SRGAP3: variants seen among roughly 807,000 people sequenced by gnomAD.
SRGAP3 encodes SLIT-ROBO Rho GTPase activating protein 3.
A neutral mutation model predicts 121.1 loss-of-function variants in SRGAP3; 39 were observed. The observed-to-expected ratio is 0.32, with a 90% CI of 0.25 to 0.42. The LOEUF (loss-of-function observed/expected upper bound fraction) is 0.42. Among genes scored for constraint, SRGAP3 ranks in the 10% least tolerant of loss-of-function variants. SRGAP3 has a pLI of 1.00. For synonymous variants in SRGAP3, 601 were observed against 570.0 expected (o/e 1.05, Z -0.77); for missense variants, 1,213 against 1,470.6 (o/e 0.82, Z 2.86).
chr3:9,054,876 A>G (rs907971878), intron 8 of SRGAP3, among the ~76,000 whole-genome samples: 44 of 152,216 alleles, frequency 2.9e-4, no homozygotes, highest in African/African-American at 1.1e-3. Context: ...ACACAAATCA[A>G]TTCTTCTTTC....
At chr3:9,045,590 C>A (rs1314613598) in intron 10 of SRGAP3, among the ~76,000 whole-genome samples, 1 of 151,904 alleles carries the variant, frequency 6.6e-6, no homozygotes, top group East Asian at 1.9e-4. Flanking sequence ...GAACACAAAG[C>A]AAGCCCCCCC....
chr3:9,258,877 C>A (rs1462573515), intron 3 of SRGAP3, among the ~76,000 whole-genome samples: 2 of 152,178 alleles, frequency 1.3e-5, no homozygotes, highest in Non-Finnish European at 2.9e-5. Flanking sequence ...TGCGATCAAC[C>A]CTGGAACCCG....
At chr3:9,050,987 A>T (rs985931318) in intron 9 of SRGAP3, among the ~76,000 whole-genome samples, 4 of 145,874 alleles carry the variant, frequency 2.7e-5, no homozygotes, top group Non-Finnish European at 6.0e-5. Context: ...GGGTTAAATG[A>T]CTACAATCCA....
At position 8,984,252 on chromosome 3, in the gene SRGAP3, A is replaced by G. The variant is rs1941564749; in HGVS notation, c.*1267T>C. On this transcript the variant is annotated 3_prime_UTR_variant, in exon 22 of 22. Transcript: ENST00000383836. ...CAACTGACAGTGTCCTCTAGGACAG[A>G]AAGTGCCAAGGACTGCCCCTCCCTG... The G allele has an allele frequency of 8.7e-6, 2 of 229,886 alleles. No homozygotes were observed. The allele number at this position is 229,886 out of a possible 1,614,324, so 14.2% of individuals were successfully genotyped here.
chr3:9,089,173 G>T (rs1947631552), intron 3 of SRGAP3, among the ~76,000 whole-genome samples: 1 of 151,946 alleles, frequency 6.6e-6, no homozygotes, highest in Non-Finnish European at 1.5e-5. Flanking sequence ...ACAGGTATGA[G>T]TCACGGTGCC....
At chr3:9,289,777 C>T (rs765485446) in intron 3 of SRGAP3, among the ~76,000 whole-genome samples, 1 of 152,032 alleles carries the variant, frequency 6.6e-6, no homozygotes, top group Admixed American at 6.6e-5. Context: ...TTCTGTCTCC[C>T]GTAACTGAGA....
At chr3:8,990,352 G>A (rs890477127) in intron 21 of SRGAP3, among the ~76,000 whole-genome samples, 160 bp downstream of exon 21, 3 of 152,208 alleles carry the variant, frequency 2.0e-5, no homozygotes, top group African/African-American at 2.4e-5. Context: ...CCACTCCCAC[G>A]GGAAGCCCAG....
At chr3:9,171,124 C>T (rs995342102) in intron 1 of SRGAP3, among the ~76,000 whole-genome samples, 1 of 152,216 alleles carries the variant, frequency 6.6e-6, no homozygotes, top group African/African-American at 2.4e-5. Flanking sequence ...CCCCTGAGGC[C>T]CCAGCAGCCT....
intron 2 of SRGAP3, among the ~76,000 whole-genome samples, chr3:9,114,164 A>G (rs1215876528): frequency 6.6e-6 from 1 of 152,190 alleles, no homozygotes; most frequent in African/African-American, 2.4e-5. Flanking sequence ...CCTCACCAAC[A>G]AAGTGAACTT....
intron 3 of SRGAP3, among the ~76,000 whole-genome samples, chr3:9,284,478 A>G (rs560446885): frequency 1.2e-4 from 19 of 152,214 alleles, no homozygotes; most frequent in Non-Finnish European, 2.8e-4. Flanking sequence ...TTGCTTTTGC[A>G]CCATTCGTGC....
chr3:9,156,062 G>A (rs769488169), intron 1 of SRGAP3, among the ~76,000 whole-genome samples: 3 of 152,190 alleles, frequency 2.0e-5, no homozygotes, highest in East Asian at 1.9e-4. Flanking sequence ...TGATCCACCC[G>A]CCTCGGCCTC....
At chr3:9,173,737 G>A (rs1482695965) in intron 1 of SRGAP3, among the ~76,000 whole-genome samples, 1 of 151,260 alleles carries the variant, frequency 6.6e-6, no homozygotes, top group Non-Finnish European at 1.5e-5. Context: ...CCTGAGACCT[G>A]ACCATTGTCC....
chr3:9,276,685 A>G (rs1954586735), intron 3 of SRGAP3, among the ~76,000 whole-genome samples: 3 of 152,168 alleles, frequency 2.0e-5, no homozygotes, highest in Admixed American at 6.5e-5. Context: ...TTGGCCTCCC[A>G]AAGTGCTAGA....
intron 21 of SRGAP3, among the ~76,000 whole-genome samples, chr3:8,987,493 C>T (rs1574849757): frequency 6.6e-6 from 1 of 152,330 alleles, no homozygotes; most frequent in East Asian, 1.9e-4. Context: ...CTGGGGCCGG[C>T]CCCTTTCTGC....
intron 1 of SRGAP3, chr3:9,330,690 A>G (rs1383876295): frequency 6.6e-6 from 1 of 152,230 alleles, no homozygotes; most frequent in Non-Finnish European, 1.5e-5. Flanking sequence ...GAATCACAGC[A>G]GACCCACAGA....
intron 3 of SRGAP3, among the ~76,000 whole-genome samples, chr3:9,082,408 C>A (rs114105682): frequency 0.012 from 1,889 of 152,340 alleles, 40 homozygotes; most frequent in African/African-American, 0.043. Context: ...TGTGAAGACA[C>A]AGCAAGAGAT....
chr3:9,238,296 T>C (rs897501197), intron 1 of SRGAP3, among the ~76,000 whole-genome samples: 1 of 152,176 alleles, frequency 6.6e-6, no homozygotes, highest in African/African-American at 2.4e-5. Flanking sequence ...TTCTCCAAAT[T>C]TTCTTGACCC....
At chr3:9,156,148 C>T (rs1950409505) in intron 1 of SRGAP3, among the ~76,000 whole-genome samples, 6 of 152,186 alleles carry the variant, frequency 3.9e-5, no homozygotes, top group Admixed American at 3.9e-4. Flanking sequence ...CTGCAGGATC[C>T]TCAGTATACA....
intron 4 of SRGAP3, among the ~76,000 whole-genome samples, chr3:9,074,991 G>A (rs771866911): frequency 9.9e-5 from 15 of 152,218 alleles, no homozygotes; most frequent in Non-Finnish European, 1.8e-4. Flanking sequence ...GGAAGAGACA[G>A]GTGGGGGGAC....
Sources: gnomAD v4.1 joint callset for allele counts (sites outside exome capture counted in the v4.1 genomes callset) on GRCh38, gnomAD v4.1.1 for gene constraint, MANE v1.5 for transcripts, NCBI Gene and HGNC (gene_info 2026-07-23, HGNC 2026-07-21) for gene names.